Variants in WEE1 observed in about 807,000 individuals in gnomAD.
WEE1 encodes WEE1 G2 checkpoint kinase.
Under a neutral mutation model 68.8 loss-of-function variants are expected in WEE1, and 16 were observed. The ratio of observed to expected loss-of-function variants is 0.23; its 90% CI spans 0.16 to 0.35. The LOEUF (loss-of-function observed/expected upper bound fraction) is 0.35. Ranked by LOEUF, WEE1 falls within the 10% of genes least tolerant of loss-of-function variation. The probability of loss-of-function intolerance (pLI) is 1.00; values close to 1 mark genes in which losing one functional copy is unlikely to be tolerated. For synonymous variants in WEE1, 349 were observed against 318.7 expected (o/e 1.09, Z -1.01); for missense variants, 651 against 824.1 (o/e 0.79, Z 2.57).
chr11:9,589,244 AGCTGCTTTTGATGAAAAGCAGCTATT>A lies in WEE1; in HGVS notation c.*643_*668del. On this transcript the variant is annotated 3_prime_UTR_variant, in exon 11 of 11. Coordinates refer to ENST00000450114, the MANE Select transcript of WEE1 (RefSeq NM_003390.4). ...TTTGAAACAATTATGTGAAATGTAT[AGCTGCTTTTGATGAAAAGCAGCTATT>A]TGCCTTTTTTTTTTTTTCCTTTGAA... 1 of 984,212 alleles carries A rather than the reference AGCTGCTTTTGATGAAAAGCAGCTATT, an allele frequency of 1.0e-6. No individual in the cohort carries two copies. Among genetic ancestry groups the A allele is most frequent in the Non-Finnish European group, 1.2e-6 (1 of 829,430 alleles). The allele number at this position is 984,212 out of a possible 1,614,324, so 61.0% of individuals were successfully genotyped here. A position where few individuals can be genotyped will look rare whatever the true frequency, so the allele number is the denominator to read the frequency against.
rs953161766 is a variant in WEE1, at chr11:9,574,427, C to G, written c.494C>G (p.Ser165Trp). The change falls in exon 1 of 11, where the codon TCG becomes TGG. Residue 165 changes from serine (S) to tryptophan (W), a missense_variant. Physicochemically the swap from Ser to Trp is radical, Grantham distance 177. Transcript: ENST00000450114. The surrounding 1 kb of genome is among the most constrained non-coding windows in gnomAD (Gnocchi z 4.9). ...GARRAGEGRR[S>W]PRPDHPGTPP... is the part of the protein sequence containing the mutation. ...CGCCGGGCGGGCGAAGGCCGCCGCT[C>G]GCCGCGGCCGGACCACCCGGGCACC... 1.4e-5 allele frequency: 17 copies of G among 1,218,712 alleles called. No individual in the cohort carries two copies. In the African/African-American group the frequency reaches 2.6e-4, roughly 18 times the overall value. The allele number at this position is 1,218,712 out of a possible 1,614,324, so 75.5% of individuals were successfully genotyped here.
chr11:9,589,500 G>A lies in WEE1; in HGVS notation c.*898G>A. 1.0e-6 allele frequency: 1 copy of A among 985,192 alleles called. No individual in the cohort carries two copies. The highest frequency in any genetic ancestry group is 1.2e-6 in the Non-Finnish European group (1 of 829,788). 61.0% of individuals were successfully genotyped at this position (985,192 alleles called of 1,614,324 possible). A position where few individuals can be genotyped will look rare whatever the true frequency, so the allele number is the denominator to read the frequency against. ...TGCCCGGTTTTTCTCTTCAATATTT[G>A]TGTATATAAACCGATCTTCGTGATA... On this transcript the variant is annotated 3_prime_UTR_variant, in exon 11 of 11. Transcript: ENST00000450114.
chr11:9,575,355 A>G, intron 1 of WEE1: 6 of 990,786 alleles, frequency 6.1e-6, no homozygotes, highest in Non-Finnish European at 7.2e-6. Context: ...TAAGGTTAAC[A>G]GGGAAGATGC....
In WEE1 at chr11:9,574,149, GC is replaced by G; in HGVS notation, c.219del (p.Glu74SerfsTer160). 8.4e-7 allele frequency: 1 copy of G among 1,194,214 alleles called. No homozygotes were observed. The highest frequency in any genetic ancestry group is 1.0e-6 in the Non-Finnish European group (1 of 964,736). 74.0% of individuals were successfully genotyped at this position (1,194,214 alleles called of 1,614,324 possible). On this transcript the variant is annotated frameshift_variant, in exon 1 of 11. Transcript: ENST00000450114. LOFTEE classifies it high-confidence loss of function. The surrounding 1 kb of genome is among the most constrained non-coding windows in gnomAD (Gnocchi z 4.9). ...CCGCGCGGAGCCCCACGGAGCCCGG[GC>G]CCGAGCGCCGCCGCTCGCCCGGGCC... ...PPARSPTEPG[P>X]ERRRSPGPAP...
chr11:9,585,694 A>C (rs548101540), intron 8 of WEE1, among the ~76,000 whole-genome samples, 167 bp downstream of exon 8: 12 of 152,362 alleles, frequency 7.9e-5, no homozygotes, highest in African/African-American at 2.9e-4. Context: ...GAAGGCAAAG[A>C]TTTATAATGG....
rs1167428061 is a variant in WEE1 at position 9,573,853 on chromosome 11, C to T, written c.-81C>T. 19 of 1,147,926 alleles carry T rather than the reference C, an allele frequency of 1.7e-5. No homozygotes were observed. Among genetic ancestry groups the T allele is most frequent in the Non-Finnish European group, 2.0e-5 (18 of 923,066 alleles). 71.1% of individuals were successfully genotyped at this position (1,147,926 alleles called of 1,614,324 possible). On this transcript the variant is annotated 5_prime_UTR_variant, in exon 1 of 11. Coordinates refer to ENST00000450114, the MANE Select transcript of WEE1 (RefSeq NM_003390.4). Reference sequence around the variant, plus strand: ...ACTAGGCGCGCCCAGCCGCACGTGGCGGACCCGCCCCCAGGCCCGCAGTGT... The same window carrying T: ...ACTAGGCGCGCCCAGCCGCACGTGGTGGACCCGCCCCCAGGCCCGCAGTGT...
rs1849568389 is a variant in WEE1 at position 9,576,691 on chromosome 11, T to C, written c.1019+32T>C. The C allele has an allele frequency of 1.9e-6, 3 of 1,595,788 alleles. No individual in the cohort carries two copies. The highest frequency in any genetic ancestry group is 1.4e-5 in the African/African-American group (1 of 73,994). ...ATTAAACATTTTGTCTTTTGCTCTT[T>C]TGTCCCCTATGGTGTTACTAACATT... On this transcript the variant is annotated intron_variant, in intron 4 of 10. Transcript: ENST00000450114. This position sits in a 1 kb window ranked among gnomAD's most constrained non-coding sequence, Gnocchi z 4.3.
chr11:9,573,948 C>T lies in WEE1; in HGVS notation c.15C>T (p.Ser5=). 1.6e-6 allele frequency: 2 copies of T among 1,289,372 alleles called. No individual in the cohort carries two copies. The highest frequency in any genetic ancestry group is 2.3e-5 in the South Asian group (1 of 43,162). The allele number at this position is 1,289,372 out of a possible 1,614,324, so 79.9% of individuals were successfully genotyped here. A position where few individuals can be genotyped will look rare whatever the true frequency, so the allele number is the denominator to read the frequency against. The part of the protein sequence containing the change: MSFL[S]RQQPPPPRRA... The stretch of plus-strand genomic sequence containing the variant: ...CCAGGGCCGCGATGAGCTTCCTGAG[C>T]CGACAGCAGCCGCCGCCACCCCGCC... Residue 5 remains serine, a synonymous_variant, in exon 1 of 11, where the codon AGC becomes AGT. Coordinates refer to ENST00000450114, the MANE Select transcript of WEE1 (RefSeq NM_003390.4).
Position 9,589,630 on chromosome 11 carries a change from C to T in WEE1, c.*1028C>T. ...CCATTTGACTAATAATACTGGCTAA[C>T]AGATGTTGAAAAAAATTGTCTGTTT... On this transcript the variant is annotated 3_prime_UTR_variant, in exon 11 of 11. Coordinates refer to ENST00000450114, the MANE Select transcript of WEE1 (RefSeq NM_003390.4). The T allele has an allele frequency of 5.1e-6, 5 of 982,844 alleles. No homozygotes were observed. The highest frequency in any genetic ancestry group is 6.0e-6 in the Non-Finnish European group (5 of 828,996). The allele number at this position is 982,844 out of a possible 1,614,324, so 60.9% of individuals were successfully genotyped here.
Position 9,586,706 on chromosome 11 carries a change from T to C in WEE1, c.1642-5T>C, listed in dbSNP as rs778785451. On this transcript the variant is annotated splice_region_variant and splice_polypyrimidine_tract_variant and intron_variant, in intron 9 of 10. Transcript: ENST00000450114. ...CTTTACCTTCATTTTACTTTTCTTT[T>C]TAAGGTTATGATTCATCCAGATCCA... 4 of 1,611,804 alleles carry C rather than the reference T, an allele frequency of 2.5e-6. No homozygotes were observed. The highest frequency in any genetic ancestry group is 3.4e-6 in the Non-Finnish European group (4 of 1,179,550).
chr11:9,586,502 A>G lies in WEE1; in HGVS notation c.1524A>G (p.Val508=), dbSNP rs762286625. ...TTTTTGCGCTTGCCCTCACAGTGGT[A>G]TGTGCTGCTGGTGCTGAACCTCTTC... The part of the protein sequence containing the change: ...ADIFALALTV[V]CAAGAEPLPR... Residue 508 remains valine (V), a synonymous_variant, in exon 9 of 11, where the codon GTA becomes GTG. Transcript: ENST00000450114. The G allele has an allele frequency of 3.1e-6, 5 of 1,614,008 alleles. No individual in the cohort carries two copies. The highest frequency in any genetic ancestry group is 2.7e-5 in the African/African-American group (2 of 74,926).
Position 9,586,434 on chromosome 11 carries a change from G to C in WEE1, c.1471-15G>C. On this transcript the variant is annotated splice_polypyrimidine_tract_variant and intron_variant, in intron 8 of 10. Coordinates refer to ENST00000450114, the MANE Select transcript of WEE1 (RefSeq NM_003390.4). ...CATGTTTACATTCCTTTAAAAAATT[G>C]TTTTAATTTTACAGAATTATACCCA... The C allele has an allele frequency of 6.3e-7, 1 of 1,597,132 alleles. No individual in the cohort carries two copies. The highest frequency in any genetic ancestry group is 8.5e-7 in the Non-Finnish European group (1 of 1,171,430).
At chr11:9,584,168 C>T (rs1384533379) in intron 6 of WEE1, among the ~76,000 whole-genome samples, 2 of 151,968 alleles carry the variant, frequency 1.3e-5, no homozygotes, top group African/African-American at 4.8e-5. Flanking sequence ...GATAGTCTCA[C>T]TCTGTTGCCC....
intron 8 of WEE1, 134 bp downstream of exon 8, chr11:9,585,661 G>A (rs1849692181): frequency 1.3e-6 from 1 of 744,966 alleles, no homozygotes; most frequent in Admixed American, 3.6e-5. Context: ...TCATCTGAGG[G>A]CATTTAATAA....
intron 8 of WEE1, 59 bp downstream of exon 8, chr11:9,585,586 G>A: frequency 7.6e-7 from 1 of 1,311,514 alleles, no homozygotes; most frequent in Non-Finnish European, 1.0e-6. Context: ...GTTGATAGAA[G>A]AATATAAATT....
At position 9,588,558 on chromosome 11, in the gene WEE1, A is replaced by T; in HGVS notation, c.1897A>T (p.Ile633Phe). The change falls in exon 11 of 11, where the codon ATT (isoleucine) becomes TTT (phenylalanine). Residue 633 changes from isoleucine to phenylalanine, a missense_variant. Physicochemically the swap from Ile to Phe is conservative, Grantham distance 21. This residue lies in a region of WEE1 where 115 missense variants were observed against 142.7 expected (regional missense o/e 0.81). Coordinates refer to ENST00000450114, the MANE Select transcript of WEE1 (RefSeq NM_003390.4). Reference sequence around the variant, plus strand: ...CCAGAGTAATAGAACATCTCGACTTATTGGAAAGAAAATGAACCGCTCTGT... The same window carrying T: ...CCAGAGTAATAGAACATCTCGACTTTTTGGAAAGAAAATGAACCGCTCTGT... The part of the protein sequence containing the change: ...TTQSNRTSRL[I>F]GKKMNRSVSL... 6.2e-7 allele frequency: 1 copy of T among 1,610,186 alleles called. No homozygotes were observed. The highest frequency in any genetic ancestry group is 8.5e-7 in the Non-Finnish European group (1 of 1,179,034).
In WEE1 at chr11:9,589,801, CTA is replaced by C. The variant is rs1849742435; in HGVS notation, c.*1201_*1202del. 3 of 742,116 alleles carry C rather than the reference CTA, an allele frequency of 4.0e-6. No homozygotes were observed. The highest frequency in any genetic ancestry group is 4.9e-6 in the Non-Finnish European group (3 of 607,716). The allele number at this position is 742,116 out of a possible 1,614,324, so 46.0% of individuals were successfully genotyped here. A position where few individuals can be genotyped will look rare whatever the true frequency, so the allele number is the denominator to read the frequency against. ...ATGCCTGTTTTCTAATATTTTATCT[CTA>C]TTATTGCTATACTATAAAATGTATA... On this transcript the variant is annotated 3_prime_UTR_variant, in exon 11 of 11. Coordinates refer to ENST00000450114, the MANE Select transcript of WEE1 (RefSeq NM_003390.4).
At chr11:9,586,923 GA>G in intron 10 of WEE1, 67 bp downstream of exon 10, 1 of 1,488,384 alleles carries the variant, frequency 6.7e-7, no homozygotes, top group Non-Finnish European at 9.0e-7. Context: ...TTTAATGAGA[GA>G]TGATTTAAGC....
At position 9,574,106 on chromosome 11, in the gene WEE1, C is replaced by T. The variant is rs1453380033; in HGVS notation, c.173C>T (p.Pro58Leu). 4 of 1,220,054 alleles carry T rather than the reference C, an allele frequency of 3.3e-6. No homozygotes were observed. The highest frequency in any genetic ancestry group is 1.6e-5 in the African/African-American group (1 of 63,306). The allele number at this position is 1,220,054 out of a possible 1,614,324, so 75.6% of individuals were successfully genotyped here. ...STGEDSAFQE[P>L]DSPLPPARSP... ...GGGGAGGACTCGGCCTTTCAAGAGC[C>T]CGACTCGCCGCTGCCGCCCGCGCGG... Residue 58 changes from proline (P) to leucine (L), a missense_variant, in exon 1 of 11, where the codon CCC becomes CTC. Transcript: ENST00000450114. This position sits in a 1 kb window ranked among gnomAD's most constrained non-coding sequence, Gnocchi z 4.9.
Sources: allele counts gnomAD v4.1 joint callset (sites outside exome capture counted in the v4.1 genomes callset), GRCh38; gene constraint gnomAD v4.1.1; regional missense constraint gnomAD v4.1.1; non-coding constraint Gnocchi (gnomAD v3.1); transcripts MANE v1.5; gene names NCBI Gene and HGNC (gene_info 2026-07-23, HGNC 2026-07-21).